Variants in ARID5B observed in about 807,000 individuals in gnomAD.
ARID5B encodes the protein AT-rich interactive domain-containing protein 5B.
Under a neutral mutation model 97.2 loss-of-function variants are expected in ARID5B, and 13 were observed. The ratio of observed to expected loss-of-function variants is 0.13; its 90% CI spans 0.09 to 0.21. The LOEUF is 0.21. Ranked by LOEUF, ARID5B falls within the 10% of genes least tolerant of loss-of-function variation. The probability of loss-of-function intolerance (pLI) is 1.00; values close to 1 mark genes in which losing one functional copy is unlikely to be tolerated. For synonymous variants in ARID5B, 556 were observed against 570.3 expected (o/e 0.97, Z 0.36); for missense variants, 1,210 against 1,465.3 (o/e 0.83, Z 2.84).
chr10:62,069,106 A>G (rs913291492), intron 7 of ARID5B, among the ~76,000 whole-genome samples: 3 of 152,238 alleles, frequency 2.0e-5, no homozygotes, highest in Non-Finnish European at 4.4e-5. Context: ...AGAAGCTGGC[A>G]TAAAAATATA....
At chr10:61,974,374 A>G (rs1666882556) in intron 3 of ARID5B, among the ~76,000 whole-genome samples, 1 of 152,226 alleles carries the variant, frequency 6.6e-6, no homozygotes. Context: ...TAACAATCAC[A>G]TTTTAAGTGG....
intron 4 of ARID5B, chr10:62,025,353 G>A (rs1309431225): frequency 6.6e-6 from 1 of 152,150 alleles, no homozygotes; most frequent in Non-Finnish European, 1.5e-5. Context: ...CTTGGCCATA[G>A]AATTCAGTGA....
chr10:61,927,939 A>G (rs544002375), intron 2 of ARID5B, among the ~76,000 whole-genome samples: 2 of 152,242 alleles, frequency 1.3e-5, no homozygotes, highest in African/African-American at 4.8e-5. Context: ...AGGCTGACCT[A>G]TGCGGGCTCC....
chr10:62,001,188 C>T (rs1170994398), intron 4 of ARID5B, among the ~76,000 whole-genome samples: 1 of 152,138 alleles, frequency 6.6e-6, no homozygotes, highest in Non-Finnish European at 1.5e-5. Flanking sequence ...GCAGGCTGGG[C>T]AGGGATGTCA....
chr10:61,923,503 C>T (rs770147313), intron 2 of ARID5B, among the ~76,000 whole-genome samples: 2 of 152,158 alleles, frequency 1.3e-5, no homozygotes, highest in African/African-American at 4.8e-5. Flanking sequence ...GGCATAGAGT[C>T]GGTGTTCAAT....
At chr10:61,944,460 C>T (rs1313811845) in intron 3 of ARID5B, among the ~76,000 whole-genome samples, 1 of 152,068 alleles carries the variant, frequency 6.6e-6, no homozygotes, top group Non-Finnish European at 1.5e-5. Context: ...GGAATATAAA[C>T]ACTATCAGTT....
intron 3 of ARID5B, among the ~76,000 whole-genome samples, chr10:61,971,142 C>T (rs894347592): frequency 1.3e-5 from 2 of 152,178 alleles, no homozygotes; most frequent in Non-Finnish European, 2.9e-5. Flanking sequence ...ATTTGGTTTA[C>T]TTTAATGGGC....
chr10:61,983,663 A>T (rs1388965617), intron 3 of ARID5B, among the ~76,000 whole-genome samples: 1 of 152,080 alleles, frequency 6.6e-6, no homozygotes, highest in Non-Finnish European at 1.5e-5. Context: ...TATTAGTAAT[A>T]TCGTTCATTA....
At chr10:62,071,554 T>TAA (rs1166095445) in intron 8 of ARID5B, among the ~76,000 whole-genome samples, 1 of 12,532 alleles carries the variant, frequency 8.0e-5, no homozygotes, top group East Asian at 3.7e-3. Context: ...TATCACATGG[T>TAA]AAAAAAAAAA....
chr10:62,045,886 G>A (rs1032182462), intron 4 of ARID5B, among the ~76,000 whole-genome samples: 3 of 152,152 alleles, frequency 2.0e-5, no homozygotes, highest in Non-Finnish European at 4.4e-5. Context: ...TTTCTGGCTC[G>A]TGTTTAAAAG....
intron 3 of ARID5B, among the ~76,000 whole-genome samples, chr10:61,978,269 A>G (rs1414460292): frequency 6.6e-6 from 1 of 152,126 alleles, no homozygotes; most frequent in East Asian, 1.9e-4. Context: ...GTAGCCTTGT[A>G]GTATAGTTTG....
chr10:61,972,149 A>G (rs1838636471), intron 3 of ARID5B, among the ~76,000 whole-genome samples: 1 of 150,154 alleles, frequency 6.7e-6, no homozygotes, highest in South Asian at 2.1e-4. Context: ...TTTGCCTGTT[A>G]TTCTATATTT....
At chr10:62,039,661 C>T (rs930974289) in intron 4 of ARID5B, among the ~76,000 whole-genome samples, 1 of 152,206 alleles carries the variant, frequency 6.6e-6, no homozygotes, top group African/African-American at 2.4e-5. Flanking sequence ...AACTGAGCAC[C>T]GGGCAGCCGC....
At chr10:61,911,537 G>A (rs1457423697) in intron 2 of ARID5B, among the ~76,000 whole-genome samples, 1 of 152,178 alleles carries the variant, frequency 6.6e-6, no homozygotes, top group African/African-American at 2.4e-5. Context: ...TAATTGAAAT[G>A]TTTTTGAATT....
Position 62,094,919 on chromosome 10 carries a change from A to G in ARID5B, c.*1889A>G, listed in dbSNP as rs929029804. 6 of 230,794 alleles carry G rather than the reference A, an allele frequency of 2.6e-5. No homozygotes were observed. Among genetic ancestry groups the G allele is most frequent in the African/African-American group, 4.4e-5 (2 of 45,180 alleles). The allele number at this position is 230,794 out of a possible 1,614,324, so 14.3% of individuals were successfully genotyped here. ...TGCAAAATAATCAAAACTGATAACA[A>G]TGAAACTGCGGCTCTTAAACAAAGC... On this transcript the variant is annotated 3_prime_UTR_variant, in exon 10 of 10. Coordinates refer to ENST00000279873, the MANE Select transcript of ARID5B (RefSeq NM_032199.3).
At chr10:61,913,619 G>A (rs1018357499) in intron 2 of ARID5B, among the ~76,000 whole-genome samples, 24 of 152,144 alleles carry the variant, frequency 1.6e-4, no homozygotes, top group African/African-American at 5.8e-4. Flanking sequence ...AGTGCTTCCC[G>A]TGGCTGTGTT....
At chr10:62,054,154 G>A (rs965301642) in intron 5 of ARID5B, among the ~76,000 whole-genome samples, 7 of 152,268 alleles carry the variant, frequency 4.6e-5, no homozygotes, top group African/African-American at 1.7e-4. Context: ...CTCAACAGGT[G>A]TATGGTGTTC....
At position 62,000,266 on chromosome 10, in the gene ARID5B, G is replaced by A. The variant is rs147803333; in HGVS notation, c.678G>A (p.Arg226=). ...VSRNPQILYC[R]DTFDHPTLIE... The stretch of plus-strand genomic sequence containing the variant: ...GGAACCCTCAGATCCTGTACTGTCG[G>A]GACACCTTTGACCACCCGACTCTCA... The change falls in exon 4 of 10, where the codon CGG becomes CGA. Residue 226 remains arginine, a synonymous_variant. Transcript: ENST00000279873. The surrounding 1 kb of genome is among the most constrained non-coding windows in gnomAD (Gnocchi z 4.4). 6.2e-7 allele frequency: 1 copy of A among 1,613,582 alleles called. No homozygotes were observed. The highest frequency in any genetic ancestry group is 1.1e-5 in the South Asian group (1 of 91,058).
At position 62,091,116 on chromosome 10, in the gene ARID5B, A is replaced by C; in HGVS notation, c.1653A>C (p.Lys551Asn). The C allele has an allele frequency of 6.2e-7, 1 of 1,614,136 alleles. No homozygotes were observed. The highest frequency in any genetic ancestry group is 8.5e-7 in the Non-Finnish European group (1 of 1,180,024). ...PLPSAPLAPE[K>N]DSALVPGASK... ...CAAGTGCTCCTCTGGCCCCAGAAAA[A>C]GATTCAGCCTTGGTCCCTGGGGCCA... Residue 551 changes from lysine (K) to asparagine (N), a missense_variant, in exon 10 of 10, where the codon AAA becomes AAC. By Grantham distance (94) the Lys-to-Asn change is moderately conservative. Transcript: ENST00000279873.
Sources: gnomAD v4.1 joint callset for allele counts (sites outside exome capture counted in the v4.1 genomes callset) on GRCh38, gnomAD v4.1.1 for gene constraint, Gnocchi (gnomAD v3.1) non-coding constraint, MANE v1.5 for transcripts, NCBI Gene and HGNC (gene_info 2026-07-23, HGNC 2026-07-21) for gene names.